PKP2: variants seen among roughly 807,000 people sequenced by gnomAD.
PKP2 encodes the protein plakophilin-2.
In PKP2, 73 loss-of-function variants were observed where a neutral mutation model predicts 83.4. That is an observed-to-expected ratio of 0.88 (90% confidence interval 0.72 to 1.06). The LOEUF is 1.06. Among genes scored for constraint, PKP2 ranks in the 50% least tolerant of loss-of-function variants. PKP2 has a pLI of 0.00. For missense variants in PKP2, 966 were observed against 1,065.4 expected (o/e 0.91, Z 1.30); for synonymous variants, 409 against 430.4 (o/e 0.95, Z 0.62).
chr12:32,862,188 C>T (rs535621210), intron 4 of PKP2, among the ~76,000 whole-genome samples: 10 of 152,270 alleles, frequency 6.6e-5, no homozygotes, highest in South Asian at 2.1e-4. Flanking sequence ...TGAGCCACCA[C>T]GCCGTGGCCA....
intron 6 of PKP2, among the ~76,000 whole-genome samples, chr12:32,825,281 G>C (rs1456905100): frequency 6.8e-6 from 1 of 146,270 alleles, no homozygotes; most frequent in Non-Finnish European, 1.5e-5. Context: ...CGATTCTCCT[G>C]CCTCAGCCTC....
At chr12:32,813,059 T>A (rs1325685672) in intron 9 of PKP2, among the ~76,000 whole-genome samples, 3 of 152,164 alleles carry the variant, frequency 2.0e-5, no homozygotes, top group African/African-American at 4.8e-5. Context: ...AATAAAAAAT[T>A]GTAGCCTGCA....
At chr12:32,872,135 T>G (rs1956900706) in intron 3 of PKP2, among the ~76,000 whole-genome samples, 1 of 152,216 alleles carries the variant, frequency 6.6e-6, no homozygotes, top group South Asian at 2.1e-4. Flanking sequence ...GTAAGTCATT[T>G]CAACAATTTT....
chr12:32,840,973 G>T (rs762933877), intron 6 of PKP2, 55 bp downstream of exon 6: 13 of 1,339,534 alleles, frequency 9.7e-6, no homozygotes, highest in Non-Finnish European at 1.4e-5. Context: ...ACTTCCTTGG[G>T]GCTACCTAAT....
At chr12:32,878,817 T>C in intron 2 of PKP2, 103 bp downstream of exon 2, 1 of 781,060 alleles carries the variant, frequency 1.3e-6, no homozygotes. Context: ...TAGGAAATGA[T>C]AATACTTGGG....
intron 6 of PKP2, 151 bp downstream of exon 6, chr12:32,840,877 T>C: frequency 3.0e-6 from 2 of 671,328 alleles, no homozygotes; most frequent in East Asian, 2.8e-5. Flanking sequence ...GACTCTGTTT[T>C]AAAAAAGATA....
intron 11 of PKP2, among the ~76,000 whole-genome samples, chr12:32,795,628 G>C (rs566729552): frequency 1.3e-4 from 20 of 152,206 alleles, no homozygotes; most frequent in Non-Finnish European, 2.5e-4. Context: ...TGATCCATCT[G>C]CTTGGGCCTC....
chr12:32,893,669 T>G (rs191460421), intron 1 of PKP2: 10 of 152,324 alleles, frequency 6.6e-5, no homozygotes, highest in East Asian at 3.9e-4. Context: ...AATCAAAATA[T>G]TTCAAACGCT....
rs539883402 is a variant in PKP2, at chr12:32,792,957, A to G, written c.2358-226T>C. 4 of 537,548 alleles carry G rather than the reference A, an allele frequency of 7.4e-6. No individual in the cohort carries two copies. The East Asian group carries it at 1.4e-4, about 18-fold the overall frequency. The allele number at this position is 537,548 out of a possible 1,614,324, so 33.3% of individuals were successfully genotyped here. A position where few individuals can be genotyped will look rare whatever the true frequency, so the allele number is the denominator to read the frequency against. On this transcript the variant is annotated intron_variant, in intron 11 of 12. Coordinates refer to ENST00000340811, the MANE Select transcript of PKP2 (RefSeq NM_001005242.3). ...AACCACTAGCACAGTGCTAATAAAT[A>G]AATAGTTTATAGGCCAGGTGGGGTG...
In PKP2 at chr12:32,822,618, C is replaced by T. The variant is rs2137778198; in HGVS notation, c.1688G>A (p.Cys563Tyr). The T allele has an allele frequency of 1.2e-6, 2 of 1,614,090 alleles. No individual in the cohort carries two copies. The highest frequency in any genetic ancestry group is 2.2e-5 in the East Asian group (1 of 44,880). ...YQPDDKATEN[C>Y]VCILHNLSYQ... ...GGAGAGGTTATGAAGAATGCACACA[C>T]AATTCTCCGTGGCCTGAGAAAACAG... The change falls in exon 8 of 13, where the codon TGT becomes TAT. Residue 563 changes from cysteine to tyrosine, a missense_variant. Coordinates refer to ENST00000340811, the MANE Select transcript of PKP2 (RefSeq NM_001005242.3).
intron 5 of PKP2, among the ~76,000 whole-genome samples, chr12:32,847,948 A>T (rs980776681): frequency 1.3e-5 from 2 of 152,008 alleles, no homozygotes; most frequent in Admixed American, 1.3e-4. Flanking sequence ...AACAAAAACA[A>T]AAAAACCCCA....
chr12:32,889,652 T>C (rs766988017), intron 1 of PKP2, among the ~76,000 whole-genome samples: 6 of 152,236 alleles, frequency 3.9e-5, no homozygotes, highest in East Asian at 3.8e-4. Context: ...AATGTGAGTA[T>C]GATAGTCACA....
In PKP2 at chr12:32,879,618, C is replaced by T. The variant is rs190688133; in HGVS notation, c.224-586G>A. Among the ~76,000 whole-genome samples the T allele has an allele frequency of 1.5e-4, 23 of 151,974 alleles. No individual in the cohort carries two copies. The East Asian group carries it at 4.3e-3, about 28-fold the overall frequency. On this transcript the variant is annotated intron_variant, in intron 1 of 12. Transcript: ENST00000340811. ...CAGAGGTGGGTGGATCACCCGAGGT[C>T]AGGCATTCAAGAGCAGCCTGGCCAA...
chr12:32,866,495 G>A (rs1311486210), intron 4 of PKP2, among the ~76,000 whole-genome samples: 1 of 127,608 alleles, frequency 7.8e-6, no homozygotes, highest in African/African-American at 3.0e-5. Flanking sequence ...AGGTTGCAAT[G>A]AGCCAAAATT....
At chr12:32,887,875 G>A (rs1052666866) in intron 1 of PKP2, among the ~76,000 whole-genome samples, 1 of 152,286 alleles carries the variant, frequency 6.6e-6, no homozygotes, top group South Asian at 2.1e-4. Flanking sequence ...TATCCTGGAA[G>A]TATCTAAATC....
chr12:32,873,771 C>G (rs960684391), intron 3 of PKP2, among the ~76,000 whole-genome samples: 2 of 152,146 alleles, frequency 1.3e-5, no homozygotes, highest in Admixed American at 1.3e-4. Flanking sequence ...CTCAAGTGAT[C>G]CGCCCACCTC....
At chr12:32,817,204 T>C (rs1002355776) in intron 9 of PKP2, among the ~76,000 whole-genome samples, 4 of 152,208 alleles carry the variant, frequency 2.6e-5, no homozygotes, top group African/African-American at 9.6e-5. Flanking sequence ...ATTCAATAAA[T>C]GGTGCTGGGA....
At chr12:32,843,464 C>T (rs951134047) in intron 5 of PKP2, 2 of 557,244 alleles carry the variant, frequency 3.6e-6, no homozygotes, top group African/African-American at 1.9e-5. Context: ...ACTCAGCATA[C>T]TTATATTTGG....
Position 32,851,452 on chromosome 12 carries a change from A to G in PKP2, c.1171-479T>C, listed in dbSNP as rs188467102. ...ATGCATTTACCATGTCAGCCTCAGT[A>G]GTAATGCAAACTAACCCTAAATTCT... On this transcript the variant is annotated intron_variant, in intron 4 of 12. Coordinates refer to ENST00000340811, the MANE Select transcript of PKP2 (RefSeq NM_001005242.3). 3.4e-4 allele frequency among the ~76,000 whole-genome samples: 51 copies of G among 152,224 alleles called. No individual in the cohort carries two copies. In the East Asian group the frequency reaches 6.0e-3, roughly 18 times the overall value.
Sources: allele counts gnomAD v4.1 joint callset (sites outside exome capture counted in the v4.1 genomes callset), GRCh38; gene constraint gnomAD v4.1.1; transcripts MANE v1.5; gene names NCBI Gene and HGNC (gene_info 2026-07-23, HGNC 2026-07-21).